PRKG1: variants seen among roughly 807,000 people sequenced by gnomAD.
PRKG1 encodes the protein protein kinase cGMP-dependent 1.
In PRKG1, 35 loss-of-function variants were observed where a neutral mutation model predicts 88.1. The ratio of observed to expected loss-of-function variants is 0.40; its 90% CI spans 0.30 to 0.53. The LOEUF is 0.53. Ranked by LOEUF, PRKG1 falls within the 20% of genes least tolerant of loss-of-function variation. The probability of loss-of-function intolerance (pLI) is 0.59; values close to 1 mark genes in which losing one functional copy is unlikely to be tolerated. For missense variants in PRKG1, 540 were observed against 839.8 expected (o/e 0.64, Z 4.41); for synonymous variants, 303 against 292.5 (o/e 1.04, Z -0.37).
At chr10:51,576,847 A>G (rs1296336987) in intron 3 of PRKG1, among the ~76,000 whole-genome samples, 2 of 151,814 alleles carry the variant, frequency 1.3e-5, no homozygotes, top group Non-Finnish European at 2.9e-5. Context: ...ATTTGCGTCT[A>G]CTTGGGGAAT....
At chr10:52,136,599 T>C (rs1242332078) in intron 8 of PRKG1, among the ~76,000 whole-genome samples, 1 of 152,050 alleles carries the variant, frequency 6.6e-6, no homozygotes, top group East Asian at 1.9e-4. Flanking sequence ...TACAAGAATA[T>C]GGGTAAATTA....
chr10:52,271,587 A>G, intron 11 of PRKG1, 98 bp downstream of exon 11: 2 of 1,275,936 alleles, frequency 1.6e-6, no homozygotes, highest in Non-Finnish European at 2.1e-6. Flanking sequence ...CACATTTCGT[A>G]TGCACAAAGA....
At chr10:51,838,779 C>T (rs2132769939) in intron 4 of PRKG1, among the ~76,000 whole-genome samples, 1 of 152,134 alleles carries the variant, frequency 6.6e-6, no homozygotes, top group South Asian at 2.1e-4. Context: ...AAAAATCACG[C>T]TACCCCTAGG....
At chr10:51,034,668 T>TTTTATATATA (rs9299454) in intron 1 of PRKG1, among the ~76,000 whole-genome samples, 1,735 of 68,076 alleles carry the variant, frequency 0.025, 123 homozygotes, top group Admixed American at 0.034. Flanking sequence ...AATATGTTAT[T>TTTTATATATA]TATATATATA....
At chr10:51,327,997 A>G (rs942473213) in intron 2 of PRKG1, among the ~76,000 whole-genome samples, 1 of 151,296 alleles carries the variant, frequency 6.6e-6, no homozygotes, top group Admixed American at 6.6e-5. Context: ...CTTTATATCT[A>G]TTAGCATTTT....
chr10:51,146,113 C>T (rs908629302), intron 1 of PRKG1, among the ~76,000 whole-genome samples: 4 of 151,602 alleles, frequency 2.6e-5, no homozygotes, highest in Non-Finnish European at 4.4e-5. Flanking sequence ...GGCATGAACC[C>T]GGGAGGCGGA....
At chr10:51,244,728 A>G (rs1420938407) in intron 2 of PRKG1, among the ~76,000 whole-genome samples, 1 of 152,018 alleles carries the variant, frequency 6.6e-6, no homozygotes, top group Non-Finnish European at 1.5e-5. Context: ...TTATCCTACT[A>G]TCCTTTTAAA....
intron 2 of PRKG1, among the ~76,000 whole-genome samples, chr10:51,310,454 C>T (rs1266159291): frequency 6.6e-6 from 1 of 152,178 alleles, no homozygotes; most frequent in Non-Finnish European, 1.5e-5. Context: ...TAACAGAAAT[C>T]ATTCCATAGC....
rs1308064703 is a variant in PRKG1 at position 52,234,234 on chromosome 10, T to C, written c.1077-17336T>C. On this transcript the variant is annotated intron_variant, in intron 9 of 17. Transcript: ENST00000373980. ...GGGGAAAAAAACAGAACAGAAAAACTGGAAACTCTAAAACGCAGAGTGTCT... is the reference window on the plus strand; with the variant it reads ...GGGGAAAAAAACAGAACAGAAAAACCGGAAACTCTAAAACGCAGAGTGTCT... 2.0e-5 allele frequency among the ~76,000 whole-genome samples: 3 copies of C among 152,088 alleles called. No individual in the cohort carries two copies. In the East Asian group the frequency reaches 5.8e-4, roughly 29 times the overall value.
intron 2 of PRKG1, among the ~76,000 whole-genome samples, chr10:51,213,612 G>A (rs1464645086): frequency 1.3e-5 from 2 of 152,208 alleles, no homozygotes; most frequent in East Asian, 1.9e-4. Flanking sequence ...ATATTCAATA[G>A]CCATGCCTGG....
chr10:52,206,965 G>A (rs560041640), intron 9 of PRKG1, among the ~76,000 whole-genome samples: 1 of 152,346 alleles, frequency 6.6e-6, no homozygotes, highest in South Asian at 2.1e-4. Flanking sequence ...GGTGGTAAAA[G>A]TCGGTTGGCA....
chr10:51,287,766 A>G (rs1234571711), intron 2 of PRKG1, among the ~76,000 whole-genome samples: 1 of 152,136 alleles, frequency 6.6e-6, no homozygotes, highest in African/African-American at 2.4e-5. Flanking sequence ...CTAAACAGTT[A>G]TCCTCCACAG....
chr10:51,690,579 G>A (rs1292729761), intron 3 of PRKG1, among the ~76,000 whole-genome samples: 1 of 152,116 alleles, frequency 6.6e-6, no homozygotes, highest in Non-Finnish European at 1.5e-5. Flanking sequence ...AAGTGAGATA[G>A]TAGAGAATCA....
At chr10:51,241,650 A>G (rs1203341601) in intron 2 of PRKG1, among the ~76,000 whole-genome samples, 1 of 152,184 alleles carries the variant, frequency 6.6e-6, no homozygotes, top group African/African-American at 2.4e-5. Flanking sequence ...CACAATTCAC[A>G]TAACAGATGT....
At chr10:51,683,148 A>G (rs938411099) in intron 3 of PRKG1, among the ~76,000 whole-genome samples, 1 of 152,206 alleles carries the variant, frequency 6.6e-6, no homozygotes, top group African/African-American at 2.4e-5. Flanking sequence ...CAGTAAGCAC[A>G]TGAAAATGCT....
At chr10:52,265,905 G>A (rs1306032429) in intron 10 of PRKG1, among the ~76,000 whole-genome samples, 4 of 151,988 alleles carry the variant, frequency 2.6e-5, no homozygotes, top group South Asian at 2.1e-4. Flanking sequence ...AACATTTACC[G>A]ATTCTAATTT....
At position 51,576,335 on chromosome 10, in the gene PRKG1, T is replaced by C. The variant is rs183297309; in HGVS notation, c.592+108499T>C. Reference sequence around the variant, plus strand: ...AATTATATATAATGATATCTTACTTTCCATGTTGTTATGTACACTACCTTT... The same window carrying C: ...AATTATATATAATGATATCTTACTTCCCATGTTGTTATGTACACTACCTTT... On this transcript the variant is annotated intron_variant, in intron 3 of 17. Coordinates refer to ENST00000373980, the MANE Select transcript of PRKG1 (RefSeq NM_006258.4). Among the ~76,000 whole-genome samples the C allele has an allele frequency of 3.7e-3, 567 of 152,096 alleles. 1 individual carries two copies. Among genetic ancestry groups the C allele is most frequent in the Non-Finnish European group, 4.0e-3 (269 of 67,906 alleles).
chr10:51,112,757 C>G (rs1845008439), intron 1 of PRKG1, among the ~76,000 whole-genome samples: 1 of 152,192 alleles, frequency 6.6e-6, no homozygotes, highest in South Asian at 2.1e-4. Flanking sequence ...TTTCAGTCTT[C>G]TTTAGTTCAC....
chr10:51,428,794 T>C (rs987678964), intron 2 of PRKG1, among the ~76,000 whole-genome samples: 3 of 152,206 alleles, frequency 2.0e-5, no homozygotes, highest in African/African-American at 7.2e-5. Context: ...AATAGTGATC[T>C]GGGTGACAAA....
Sources: gnomAD v4.1 joint callset for allele counts (sites outside exome capture counted in the v4.1 genomes callset) on GRCh38, gnomAD v4.1.1 for gene constraint, MANE v1.5 for transcripts, NCBI Gene and HGNC (gene_info 2026-07-23, HGNC 2026-07-21) for gene names.